Variants in SPAG9 observed in about 807,000 individuals in gnomAD.
SPAG9 encodes the protein sperm associated antigen 9, also known as C-Jun-amino-terminal kinase-interacting protein 4.
Under a neutral mutation model 166.5 loss-of-function variants are expected in SPAG9, and 35 were observed. The observed-to-expected ratio is 0.21, with a 90% CI of 0.16 to 0.28. The LOEUF is 0.28. Among genes scored for constraint, SPAG9 ranks in the 10% least tolerant of loss-of-function variants. The probability of loss-of-function intolerance (pLI) is 1.00; values close to 1 mark genes in which losing one functional copy is unlikely to be tolerated. For missense variants in SPAG9, 1,235 were observed against 1,603.3 expected (o/e 0.77, Z 3.92); for synonymous variants, 534 against 565.5 (o/e 0.94, Z 0.79).
At chr17:51,019,824 C>A (rs1252735092) in intron 8 of SPAG9, among the ~76,000 whole-genome samples, 5 of 152,106 alleles carry the variant, frequency 3.3e-5, no homozygotes, top group Admixed American at 2.0e-4. Flanking sequence ...TGCACTCCAG[C>A]CTGGGCAACA....
chr17:51,057,105 G>A (rs1316896723), intron 2 of SPAG9, among the ~76,000 whole-genome samples: 2 of 152,214 alleles, frequency 1.3e-5, no homozygotes, highest in East Asian at 3.8e-4. Flanking sequence ...GAATGATTCA[G>A]GGAGGAGGTG....
At chr17:51,055,592 GA>G (rs145505862) in intron 3 of SPAG9, among the ~76,000 whole-genome samples, 1 of 148,466 alleles carries the variant, frequency 6.7e-6, no homozygotes, top group Non-Finnish European at 1.5e-5. Flanking sequence ...AAACTAGGGA[GA>G]AAAAAAAACA....
At chr17:50,966,864 T>A (rs1973398742) in intron 29 of SPAG9, among the ~76,000 whole-genome samples, 1 of 152,244 alleles carries the variant, frequency 6.6e-6, no homozygotes, top group Non-Finnish European at 1.5e-5. Flanking sequence ...CAATTGAAGA[T>A]AATTGACACA....
At chr17:51,048,175 A>G (rs912575395) in intron 3 of SPAG9, among the ~76,000 whole-genome samples, 6 of 152,092 alleles carry the variant, frequency 3.9e-5, no homozygotes, top group Admixed American at 3.3e-4. Context: ...CTGAATAAGA[A>G]AGTAAAAACT....
At chr17:51,001,683 T>C (rs766627814) in intron 13 of SPAG9, 32 bp downstream of exon 13, 2 of 1,590,900 alleles carry the variant, frequency 1.3e-6, no homozygotes, top group Middle Eastern at 1.7e-4. Flanking sequence ...AAAATAATAG[T>C]AGGAAAATAA....
At chr17:51,027,113 A>G (rs1188188816) in intron 6 of SPAG9, among the ~76,000 whole-genome samples, 1 of 152,192 alleles carries the variant, frequency 6.6e-6, no homozygotes, top group Non-Finnish European at 1.5e-5. Flanking sequence ...TTCTTGCATT[A>G]TACCTCACTA....
At chr17:50,980,980 T>TGACA (rs768135455) in intron 25 of SPAG9, among the ~76,000 whole-genome samples, 2 of 152,066 alleles carry the variant, frequency 1.3e-5, no homozygotes, top group Non-Finnish European at 2.9e-5. Context: ...CTATCCTGGG[T>TGACA]GACAGAGTGA....
intron 1 of SPAG9, among the ~76,000 whole-genome samples, chr17:51,101,826 T>C (rs1197587437): frequency 6.6e-6 from 1 of 151,510 alleles, no homozygotes; most frequent in African/African-American, 2.4e-5. Context: ...GGTTTCACCA[T>C]GTTGGCCAGA....
At chr17:50,985,881 A>G (rs1975012000) in intron 22 of SPAG9, 103 bp from the exon 23 acceptor site, 3 of 638,008 alleles carry the variant, frequency 4.7e-6, no homozygotes, top group Non-Finnish European at 7.8e-6. Context: ...GAAGAGTAAC[A>G]TACAAATTTT....
intron 2 of SPAG9, among the ~76,000 whole-genome samples, chr17:51,062,289 A>G (rs1236551111): frequency 6.6e-6 from 1 of 152,206 alleles, no homozygotes; most frequent in Non-Finnish European, 1.5e-5. Flanking sequence ...CTTATCACCC[A>G]AAATATATCA....
chr17:51,022,170 C>T (rs958634564), intron 6 of SPAG9, among the ~76,000 whole-genome samples: 4 of 150,130 alleles, frequency 2.7e-5, no homozygotes, highest in Non-Finnish European at 4.4e-5. Context: ...ATTCCAGCCA[C>T]GCACATGCCT....
intron 6 of SPAG9, among the ~76,000 whole-genome samples, chr17:51,022,723 C>T (rs757673831): frequency 2.0e-5 from 3 of 151,382 alleles, no homozygotes; most frequent in Non-Finnish European, 4.4e-5. Flanking sequence ...CCGAGGCAGG[C>T]GGATCACCTG....
At position 50,963,151 on chromosome 17, in the gene SPAG9, T is replaced by C; in HGVS notation, c.*3121A>G. 6.6e-6 allele frequency: 1 copy of C among 152,204 alleles called. No individual in the cohort carries two copies. Among genetic ancestry groups the C allele is most frequent in the East Asian group, 1.9e-4 (1 of 5,198 alleles). The allele number at this position is 152,204 out of a possible 1,614,324, so 9.4% of individuals were successfully genotyped here. The stretch of plus-strand genomic sequence containing the variant: ...ATTTCATATGGTTCAACCTTGCACA[T>C]GACTCAAGTGTAAAAAAAGGAGAAA... On this transcript the variant is annotated 3_prime_UTR_variant, in exon 30 of 30. Transcript: ENST00000262013.
intron 1 of SPAG9, among the ~76,000 whole-genome samples, chr17:51,099,192 G>C (rs1157676862): frequency 6.6e-6 from 1 of 151,496 alleles, no homozygotes; most frequent in Non-Finnish European, 1.5e-5. Context: ...CCAACACTTT[G>C]AGAGACCGAG....
intron 8 of SPAG9, among the ~76,000 whole-genome samples, chr17:51,017,518 C>CTG (rs1364313087): frequency 8.3e-6 from 1 of 120,294 alleles, no homozygotes; most frequent in East Asian, 2.1e-4. Flanking sequence ...GAGAACCTGT[C>CTG]TGAGAGAGAG....
intron 24 of SPAG9, among the ~76,000 whole-genome samples, chr17:50,983,792 G>A (rs1185321295): frequency 6.6e-6 from 1 of 151,986 alleles, no homozygotes; most frequent in East Asian, 1.9e-4. Context: ...TATAAAATGA[G>A]GATGACCATG....
Position 51,056,462 on chromosome 17 carries a change from C to T in SPAG9, c.445G>A (p.Glu149Lys), listed in dbSNP as rs1339739043. The change falls in exon 3 of 30, where the codon GAA (glutamate) becomes AAA (lysine). Residue 149 changes from glutamate to lysine, a missense_variant. Physicochemically the swap from Glu to Lys is moderately conservative, Grantham distance 56. Coordinates refer to ENST00000262013, the MANE Select transcript of SPAG9 (RefSeq NM_001130528.3). ...ADQISRLEER[E>K]AELKKEYNAL... ...TTATATTCCTTCTTCAGTTCTGCTT[C>T]TCTTTCTTCAAGTCTGCTAACTGAA... 2 of 1,607,006 alleles carry T rather than the reference C, an allele frequency of 1.2e-6. No individual in the cohort carries two copies. The highest frequency in any genetic ancestry group is 2.2e-5 in the South Asian group (2 of 90,900).
chr17:51,098,993 GGGAGGCT>G (rs2048723010), intron 1 of SPAG9, among the ~76,000 whole-genome samples: 1 of 151,894 alleles, frequency 6.6e-6, no homozygotes, highest in African/African-American at 2.4e-5. Flanking sequence ...CCATCTACTG[GGGAGGCT>G]GAGGCAGAAG....
intron 5 of SPAG9, among the ~76,000 whole-genome samples, chr17:51,036,783 C>A (rs2046603226): frequency 1.3e-5 from 2 of 152,138 alleles, no homozygotes; most frequent in South Asian, 4.1e-4. Flanking sequence ...AACAACCCCA[C>A]CCCTGCTCCT....
Sources: gnomAD v4.1 joint callset for allele counts (sites outside exome capture counted in the v4.1 genomes callset) on GRCh38, gnomAD v4.1.1 for gene constraint, MANE v1.5 for transcripts, NCBI Gene and HGNC (gene_info 2026-07-23, HGNC 2026-07-21) for gene names.